Variants in GALNT13 observed in about 807,000 individuals in gnomAD.
GALNT13 encodes the protein UDP-GalNAc:polypeptide N-acetylgalactosaminyltransferase 13.
In GALNT13, 28 loss-of-function variants were observed where a neutral mutation model predicts 64.2. That is an observed-to-expected ratio of 0.44 (90% CI 0.32 to 0.60). GALNT13 has a LOEUF of 0.60. GALNT13 is among the 20% of genes least tolerant of loss of function. The probability of loss-of-function intolerance (pLI) is 0.05; values close to 1 mark genes in which losing one functional copy is unlikely to be tolerated. For synonymous variants in GALNT13, 214 were observed against 224.6 expected (o/e 0.95, Z 0.42); for missense variants, 577 against 669.8 (o/e 0.86, Z 1.53).
At chr2:153,245,390 C>T in the GALNT13 span, among the ~76,000 whole-genome samples, 9 of 152,182 alleles carry the variant, frequency 5.9e-5, no homozygotes, top group African/African-American at 1.9e-4. Flanking sequence ...CAGGAGAGCT[C>T]TGGCTGCCGT....
the GALNT13 span, among the ~76,000 whole-genome samples, chr2:153,246,938 A>C: frequency 6.6e-6 from 1 of 152,222 alleles, no homozygotes; most frequent in Admixed American, 6.5e-5. Flanking sequence ...GCTCAAAATA[A>C]AGGGATGGAT....
chr2:154,090,687 A>G (rs1381001501), intron 3 of GALNT13, among the ~76,000 whole-genome samples: 1 of 152,010 alleles, frequency 6.6e-6, no homozygotes, highest in Non-Finnish European at 1.5e-5. Context: ...AATTTCCGTT[A>G]CCATTATGAA....
At chr2:154,117,190 C>A (rs1287833047) in intron 3 of GALNT13, among the ~76,000 whole-genome samples, 2 of 152,128 alleles carry the variant, frequency 1.3e-5, no homozygotes, top group Non-Finnish European at 2.9e-5. Context: ...TCCCAGCCCA[C>A]TGACTCAAAT....
the GALNT13 span, among the ~76,000 whole-genome samples, chr2:153,701,586 AT>A: frequency 6.6e-6 from 1 of 152,212 alleles, no homozygotes; most frequent in Non-Finnish European, 1.5e-5. Flanking sequence ...AAGTTTTGCA[AT>A]CTGACAAAGG....
At chr2:153,812,811 C>G in the GALNT13 span, among the ~76,000 whole-genome samples, 1 of 152,078 alleles carries the variant, frequency 6.6e-6, no homozygotes, top group East Asian at 1.9e-4. Context: ...TCCTGCTTTC[C>G]CTATGCGCAC....
At chr2:153,241,199 T>C in the GALNT13 span, among the ~76,000 whole-genome samples, 1 of 152,162 alleles carries the variant, frequency 6.6e-6, no homozygotes, top group Admixed American at 6.5e-5. Context: ...TTCGGTGAGC[T>C]CTAAAGAAAG....
chr2:153,567,133 T>G, the GALNT13 span, among the ~76,000 whole-genome samples: 1 of 152,240 alleles, frequency 6.6e-6, no homozygotes, highest in African/African-American at 2.4e-5. Flanking sequence ...TGGTAAAGAT[T>G]GTCAAGGATG....
At chr2:153,167,076 ATG>A in the GALNT13 span, among the ~76,000 whole-genome samples, 2 of 152,174 alleles carry the variant, frequency 1.3e-5, no homozygotes, top group African/African-American at 4.8e-5. Flanking sequence ...GAGAGAATAA[ATG>A]TGTGTTGTTT....
intron 12 of GALNT13, among the ~76,000 whole-genome samples, chr2:154,444,864 G>C (rs963162630): frequency 1.3e-5 from 2 of 151,942 alleles, no homozygotes; most frequent in Non-Finnish European, 2.9e-5. Context: ...ATTCATTTTA[G>C]AGAAATAGTT....
the GALNT13 span, among the ~76,000 whole-genome samples, chr2:153,212,658 T>G: frequency 6.6e-6 from 1 of 152,332 alleles, no homozygotes; most frequent in Non-Finnish European, 1.5e-5. Context: ...AAAAATTGTA[T>G]GCTGTCTTTT....
At chr2:153,235,923 T>A in the GALNT13 span, among the ~76,000 whole-genome samples, 1 of 152,174 alleles carries the variant, frequency 6.6e-6, no homozygotes, top group Non-Finnish European at 1.5e-5. Context: ...CTAGGCCTCT[T>A]GTGCCAAGCA....
the GALNT13 span, among the ~76,000 whole-genome samples, chr2:153,135,032 G>C: frequency 2.3e-3 from 344 of 152,226 alleles, 2 homozygotes; most frequent in African/African-American, 8.1e-3. Flanking sequence ...ACCATAGACT[G>C]TGTGGCTTAA....
chr2:154,426,225 G>A (rs1162004974), intron 11 of GALNT13, among the ~76,000 whole-genome samples: 4 of 152,154 alleles, frequency 2.6e-5, no homozygotes. Flanking sequence ...CTGGCTCTCT[G>A]CCAGGGTTGC....
At chr2:154,014,115 T>G (rs1216963362) in intron 3 of GALNT13, among the ~76,000 whole-genome samples, 1 of 152,160 alleles carries the variant, frequency 6.6e-6, no homozygotes, top group East Asian at 1.9e-4. Flanking sequence ...CCAATCCGAC[T>G]GTCACCCAAA....
At chr2:153,407,782 C>G in the GALNT13 span, among the ~76,000 whole-genome samples, 1 of 152,294 alleles carries the variant, frequency 6.6e-6, no homozygotes, top group Middle Eastern at 3.4e-3. Context: ...CTGTCTATCT[C>G]TAAAGATGTG....
chr2:153,935,877 T>G lies in GALNT13; in HGVS notation c.-104-8517T>G, dbSNP rs112482476. ...TTCTTCCCCAGATGTCAGTTATTGCTTTCTCCACAGCCATGAAATTTTGTG... is the reference window on the plus strand; with the variant it reads ...TTCTTCCCCAGATGTCAGTTATTGCGTTCTCCACAGCCATGAAATTTTGTG... On this transcript the variant is annotated intron_variant, in intron 2 of 12. Coordinates refer to ENST00000392825, the MANE Select transcript of GALNT13 (RefSeq NM_052917.4). Among the ~76,000 whole-genome samples, 397 of 152,332 alleles carry G rather than the reference T, an allele frequency of 2.6e-3. 1 individual carries two copies. Among genetic ancestry groups the G allele is most frequent in the African/African-American group, 9.0e-3 (376 of 41,576 alleles).
At chr2:153,881,441 T>A (rs925034881) in intron 1 of GALNT13, among the ~76,000 whole-genome samples, 2 of 152,172 alleles carry the variant, frequency 1.3e-5, no homozygotes, top group Admixed American at 1.3e-4. Context: ...TTGTCAAAAA[T>A]TTTTAAAAGA....
chr2:153,887,965 T>A (rs1687301361), intron 1 of GALNT13, among the ~76,000 whole-genome samples: 1 of 152,082 alleles, frequency 6.6e-6, no homozygotes, highest in Non-Finnish European at 1.5e-5. Flanking sequence ...ATCTAGTTTT[T>A]AATGATTTTT....
chr2:154,012,569 G>A (rs999061367), intron 3 of GALNT13, among the ~76,000 whole-genome samples: 4 of 152,022 alleles, frequency 2.6e-5, no homozygotes, highest in South Asian at 2.1e-4. Flanking sequence ...GCATAGTATC[G>A]TGCAGGGGTT....
Sources: allele counts gnomAD v4.1 joint callset (sites outside exome capture counted in the v4.1 genomes callset), GRCh38; gene constraint gnomAD v4.1.1; transcripts MANE v1.5; gene names NCBI Gene and HGNC (gene_info 2026-07-23, HGNC 2026-07-21).